Variants in C2orf49 observed in about 807,000 individuals in gnomAD.
The protein encoded by C2orf49 is tRNA-splicing ligase complex subunit ASW.
Under a neutral mutation model 20.6 loss-of-function variants are expected in C2orf49, and 11 were observed. That is an observed-to-expected ratio of 0.53 (90% CI 0.34 to 0.88). C2orf49 has a LOEUF of 0.88. Among genes scored for constraint, C2orf49 ranks in the 40% least tolerant of loss-of-function variants. The pLI is 0.02. For missense variants in C2orf49, 289 were observed against 274.2 expected (o/e 1.05, Z -0.38); for synonymous variants, 134 against 108.5 (o/e 1.24, Z -1.46).
the C2orf49 span, among the ~76,000 whole-genome samples, chr2:105,354,918 G>T: frequency 6.6e-6 from 1 of 152,148 alleles, no homozygotes; most frequent in Non-Finnish European, 1.5e-5. Flanking sequence ...AATGGAAGGA[G>T]CAATTCTGCT....
Position 105,342,866 on chromosome 2 carries a change from G to T in C2orf49, c.285G>T (p.Gly95=), listed in dbSNP as rs1679706569. 6.2e-7 allele frequency: 1 copy of T among 1,613,832 alleles called. No homozygotes were observed. Among genetic ancestry groups the T allele is most frequent in the African/African-American group, 1.3e-5 (1 of 75,012 alleles). The part of the protein sequence containing the change: ...NETKRSSTVD[G]LRKRPLIVFD... ...ATTTCAGGAGTAGCACTGTAGATGG[G>T]TTAAGGAAAAGACCCCTCATCGTAT... Residue 95 remains glycine, a synonymous_variant, in exon 3 of 4, where the codon GGG becomes GGT. Transcript: ENST00000258457.
the C2orf49 span, chr2:105,363,517 G>A: frequency 5.3e-6 from 8 of 1,520,844 alleles, no homozygotes; most frequent in East Asian, 7.1e-5. Context: ...GTGCTTGGCA[G>A]ACATCTTCAG....
the C2orf49 span, among the ~76,000 whole-genome samples, chr2:105,382,914 C>A: frequency 6.6e-6 from 1 of 152,264 alleles, no homozygotes; most frequent in East Asian, 1.9e-4. Flanking sequence ...AAGATGGAGT[C>A]TTGCTCTGTC....
the C2orf49 span, chr2:105,373,492 G>T: frequency 6.4e-7 from 1 of 1,558,824 alleles, no homozygotes; most frequent in East Asian, 2.2e-5. Context: ...TGAACAGGGG[G>T]TCAGAGGAAC....
the C2orf49 span, among the ~76,000 whole-genome samples, chr2:105,357,334 C>T: frequency 6.6e-6 from 1 of 152,172 alleles, no homozygotes; most frequent in Non-Finnish European, 1.5e-5. Flanking sequence ...AAATCTACTA[C>T]TGAGCCCCTC....
chr2:105,376,848 T>G, the C2orf49 span: 3 of 152,232 alleles, frequency 2.0e-5, no homozygotes, highest in African/African-American at 7.2e-5. Flanking sequence ...AGGAAAGGAA[T>G]TCTGACTCAT....
the C2orf49 span, chr2:105,363,285 C>T: frequency 3.0e-5 from 49 of 1,613,956 alleles, no homozygotes; most frequent in South Asian, 2.4e-4. Context: ...GGACACTCAC[C>T]GCTGATGGGG....
At position 105,345,809 on chromosome 2, in the gene C2orf49, C is replaced by A. The variant is rs191301345; in HGVS notation, c.*438C>A. On this transcript the variant is annotated 3_prime_UTR_variant, in exon 4 of 4. Transcript: ENST00000258457. ...GAAACCCCGTCTCTACTAAAAAATACAAAATTAGCTGGGCATAGTGGTGCA... is the reference window on the plus strand; with the variant it reads ...GAAACCCCGTCTCTACTAAAAAATAAAAAATTAGCTGGGCATAGTGGTGCA... The A allele has an allele frequency of 0.013, 2,064 of 159,084 alleles. 67 individuals carry two copies. Among genetic ancestry groups the A allele is most frequent in the African/African-American group, 0.048 (1,975 of 41,560 alleles). 9.9% of individuals were successfully genotyped at this position (159,084 alleles called of 1,614,324 possible). A position where few individuals can be genotyped will look rare whatever the true frequency, so the allele number is the denominator to read the frequency against.
chr2:105,384,385 A>C, the C2orf49 span, among the ~76,000 whole-genome samples: 7 of 152,234 alleles, frequency 4.6e-5, no homozygotes, highest in Non-Finnish European at 8.8e-5. Flanking sequence ...GGAAGTAGTC[A>C]GCAGAAAGGT....
the C2orf49 span, chr2:105,358,277 G>A: frequency 6.6e-6 from 1 of 152,244 alleles, no homozygotes; most frequent in Non-Finnish European, 1.5e-5. Flanking sequence ...CTCAGAGCCT[G>A]GATCTCCTCT....
the C2orf49 span, among the ~76,000 whole-genome samples, chr2:105,383,033 ACGC>A: frequency 2.6e-5 from 4 of 152,094 alleles, no homozygotes; most frequent in Admixed American, 1.3e-4. Flanking sequence ...TTACAGGTGC[ACGC>A]CACCACACCC....
chr2:105,368,325 C>A, the C2orf49 span, among the ~76,000 whole-genome samples: 5 of 152,094 alleles, frequency 3.3e-5, no homozygotes, highest in African/African-American at 1.2e-4. Flanking sequence ...TAATTAAAAC[C>A]TACATGTAGT....
chr2:105,367,767 CAG>C, the C2orf49 span: 2 of 1,605,998 alleles, frequency 1.2e-6, no homozygotes, highest in African/African-American at 1.3e-5. Context: ...AGGAACACAG[CAG>C]AGTTATGGTT....
At chr2:105,363,453 C>T in the C2orf49 span, 7 of 1,609,976 alleles carry the variant, frequency 4.3e-6, no homozygotes, top group Admixed American at 1.7e-5. Context: ...CGGTAAGTGA[C>T]CCCTCCCGTG....
At chr2:105,343,313 A>G (rs1488495446) in intron 3 of C2orf49, 90 bp downstream of exon 3, 12 of 1,324,768 alleles carry the variant, frequency 9.1e-6, no homozygotes, top group Non-Finnish European at 1.2e-5. Context: ...CGACTGTGCT[A>G]CATTCTGTTC....
rs79232208 is a variant in C2orf49 at position 105,339,516 on chromosome 2, G to C, written c.100-67G>C. The C allele has an allele frequency of 1.5e-3, 2,219 of 1,434,638 alleles. 31 individuals are homozygous for C. The African/African-American group carries it at 0.03, about 19-fold the overall frequency. 88.9% of individuals were successfully genotyped at this position (1,434,638 alleles called of 1,614,324 possible). On this transcript the variant is annotated intron_variant, in intron 1 of 3. Transcript: ENST00000258457. ...TAAGCAGTAATGTTTTACCATGTTAGGTAAGGTGGTTACTTGTTAAAATTA... is the reference window on the plus strand; with the variant it reads ...TAAGCAGTAATGTTTTACCATGTTACGTAAGGTGGTTACTTGTTAAAATTA...
At chr2:105,373,659 G>T in the C2orf49 span, 1 of 1,614,214 alleles carries the variant, frequency 6.2e-7, no homozygotes, top group Non-Finnish European at 8.5e-7. Flanking sequence ...CAAAGGGCTT[G>T]TCCACCAGTG....
chr2:105,358,208 A>T, the C2orf49 span: 1 of 152,214 alleles, frequency 6.6e-6, no homozygotes, highest in Non-Finnish European at 1.5e-5. Context: ...TTAGGCAAAG[A>T]TTTCTCGTTC....
At chr2:105,361,532 A>T in the C2orf49 span, 7 of 1,040,992 alleles carry the variant, frequency 6.7e-6, no homozygotes, top group South Asian at 1.1e-4. Context: ...CAAAGTTTGG[A>T]TTGTGTAATA....
Sources: allele counts gnomAD v4.1 joint callset (sites outside exome capture counted in the v4.1 genomes callset), GRCh38; gene constraint gnomAD v4.1.1; transcripts MANE v1.5; gene names NCBI Gene and HGNC (gene_info 2026-07-23, HGNC 2026-07-21).